The following ATP8A2 variants were observed in gnomAD, a reference collection of about 807,000 sequenced individuals.
ATP8A2 encodes the protein ATPase phospholipid transporting 8A2, also known as phospholipid-transporting ATPase IB.
In ATP8A2, 100 loss-of-function variants were observed where a neutral mutation model predicts 165.6. The observed-to-expected ratio is 0.60, with a 90% CI of 0.51 to 0.71. The LOEUF is 0.71. Ranked by LOEUF, ATP8A2 falls within the 30% of genes least tolerant of loss-of-function variation. ATP8A2 has a pLI of 0.00. For missense variants in ATP8A2, 1,227 were observed against 1,479.5 expected (o/e 0.83, Z 2.80); for synonymous variants, 543 against 548.8 (o/e 0.99, Z 0.15).
intron 9 of ATP8A2, 80 bp downstream of exon 9, chr13:25,542,126 C>G (rs2038498412): frequency 1.1e-5 from 16 of 1,393,894 alleles, no homozygotes; most frequent in Non-Finnish European, 1.6e-5. Flanking sequence ...TGTTTGTTTC[C>G]TAGTTTTGTA....
rs143025751 is a variant in ATP8A2, at chr13:25,676,052, G to T, written c.2212-23121G>T. The stretch of plus-strand genomic sequence containing the variant: ...GTAACCCATAAGCGTGTAAAATATT[G>T]TATCTTAATAAAAGAAAAAAAAATG... On this transcript the variant is annotated intron_variant, in intron 24 of 36. Transcript: ENST00000381655. Among the ~76,000 whole-genome samples, 164 of 152,028 alleles carry T rather than the reference G, an allele frequency of 1.1e-3. 2 individuals are homozygous for T. Among genetic ancestry groups the T allele is most frequent in the African/African-American group, 3.7e-3 (155 of 41,446 alleles).
chr13:25,739,367 A>C (rs2043857471), intron 25 of ATP8A2, among the ~76,000 whole-genome samples: 2 of 152,256 alleles, frequency 1.3e-5, no homozygotes, highest in Admixed American at 1.3e-4. Flanking sequence ...TCTATCATTA[A>C]ACTATGCAGA....
chr13:25,870,651 G>A (rs1952649117), intron 33 of ATP8A2, among the ~76,000 whole-genome samples: 1 of 152,236 alleles, frequency 6.6e-6, no homozygotes, highest in African/African-American at 2.4e-5. Flanking sequence ...CAGGCAGGGA[G>A]TAGAGTGGCT....
At chr13:25,538,533 A>G (rs1024192835) in intron 7 of ATP8A2, among the ~76,000 whole-genome samples, 2 of 152,080 alleles carry the variant, frequency 1.3e-5, no homozygotes, top group East Asian at 1.9e-4. Flanking sequence ...TCATCCATCC[A>G]TGTTTTGCCC....
intron 33 of ATP8A2, among the ~76,000 whole-genome samples, chr13:25,885,195 C>G (rs187530733): frequency 2.5e-4 from 37 of 150,152 alleles, no homozygotes; most frequent in Admixed American, 1.7e-3. Context: ...TCACTGCAAC[C>G]TCCGCCTCCT....
chr13:25,958,452 G>A lies in ATP8A2; in HGVS notation c.3184-3123G>A, dbSNP rs186341336. On this transcript the variant is annotated intron_variant, in intron 33 of 36. Coordinates refer to ENST00000381655, the MANE Select transcript of ATP8A2 (RefSeq NM_016529.6). ...GTGCATGGGTGTCCCTTGTTAATGC[G>A]CCTAGTCTGACCCAGGGCAGTGCTG... Among the ~76,000 whole-genome samples, 165 of 152,214 alleles carry A rather than the reference G, an allele frequency of 1.1e-3. 3 individuals are homozygous for A. Among genetic ancestry groups the A allele is most frequent in the African/African-American group, 3.8e-3 (156 of 41,536 alleles).
chr13:26,005,962 T>A (rs1315412298), intron 35 of ATP8A2, among the ~76,000 whole-genome samples: 3 of 152,030 alleles, frequency 2.0e-5, no homozygotes, highest in Non-Finnish European at 2.9e-5. Flanking sequence ...CTTTGTTCTT[T>A]TTTCAACATT....
intron 27 of ATP8A2, among the ~76,000 whole-genome samples, chr13:25,780,659 A>G (rs1255428257): frequency 1.3e-5 from 2 of 152,136 alleles, no homozygotes; most frequent in Admixed American, 1.3e-4. Flanking sequence ...CAGGGAAGAC[A>G]GTTTTTCCAC....
intron 24 of ATP8A2, among the ~76,000 whole-genome samples, chr13:25,595,060 G>A (rs1053870817): frequency 1.3e-5 from 2 of 150,876 alleles, no homozygotes; most frequent in Admixed American, 1.3e-4. Context: ...ATACTACTCA[G>A]CCATAAAAAG....
intron 33 of ATP8A2, among the ~76,000 whole-genome samples, chr13:25,926,618 G>A (rs776477486): frequency 6.6e-6 from 1 of 152,040 alleles, no homozygotes; most frequent in African/African-American, 2.4e-5. Flanking sequence ...ACAGATCATG[G>A]GGATTTGGGG....
intron 25 of ATP8A2, among the ~76,000 whole-genome samples, chr13:25,756,346 A>G (rs1188482688): frequency 2.0e-4 from 17 of 84,590 alleles, no homozygotes; most frequent in Non-Finnish European, 3.5e-4. Context: ...TTTTTTTTTG[A>G]GACAGGGTCT....
intron 1 of ATP8A2, among the ~76,000 whole-genome samples, chr13:25,433,108 C>A (rs2138157887): frequency 6.6e-6 from 1 of 152,272 alleles, no homozygotes; most frequent in East Asian, 1.9e-4. Flanking sequence ...CATTCCTAAG[C>A]CTTGGCACTC....
intron 35 of ATP8A2, among the ~76,000 whole-genome samples, chr13:25,995,001 A>G (rs1956468373): frequency 6.6e-6 from 1 of 151,984 alleles, no homozygotes; most frequent in South Asian, 2.1e-4. Flanking sequence ...TATAAATTCA[A>G]TTTCCTTAAT....
intron 2 of ATP8A2, among the ~76,000 whole-genome samples, chr13:25,503,693 G>T (rs964083095): frequency 2.0e-5 from 3 of 152,190 alleles, no homozygotes; most frequent in African/African-American, 7.2e-5. Context: ...TAACTCTGAT[G>T]CTGAAAAGGA....
At chr13:25,717,059 A>G (rs1016016947) in intron 25 of ATP8A2, among the ~76,000 whole-genome samples, 3 of 152,210 alleles carry the variant, frequency 2.0e-5, no homozygotes, top group African/African-American at 7.2e-5. Flanking sequence ...ATTGCTGCCT[A>G]TACATGCCAC....
intron 35 of ATP8A2, 91 bp from the exon 36 acceptor site, chr13:26,012,440 C>T: frequency 3.9e-6 from 4 of 1,015,074 alleles, no homozygotes; most frequent in Non-Finnish European, 5.8e-6. Flanking sequence ...GGGAGGTGAT[C>T]CCCCACCTCA....
chr13:25,684,887 T>C (rs1254982660), intron 24 of ATP8A2, among the ~76,000 whole-genome samples: 1 of 152,208 alleles, frequency 6.6e-6, no homozygotes, highest in Non-Finnish European at 1.5e-5. Context: ...CTGTAGTGTA[T>C]ATACTGAGTG....
At chr13:25,963,797 T>C (rs1955716370) in intron 34 of ATP8A2, among the ~76,000 whole-genome samples, 1 of 152,240 alleles carries the variant, frequency 6.6e-6, no homozygotes, top group Non-Finnish European at 1.5e-5. Flanking sequence ...CAGTGCGTTC[T>C]GAGTAATCAT....
In ATP8A2 at chr13:25,972,492, G is replaced by A. The variant is rs1026676043; in HGVS notation, c.3377+3813G>A. 6.6e-5 allele frequency among the ~76,000 whole-genome samples: 10 copies of A among 152,312 alleles called. No individual in the cohort carries two copies. In the South Asian group the frequency reaches 1.9e-3, roughly 28 times the overall value. On this transcript the variant is annotated intron_variant, in intron 35 of 36. Transcript: ENST00000381655. ...TTGATTTTAGTTTGTTCTTCTTGAA[G>A]GAGTGTTTTTCACGATGTGGTGTTT...
Sources: gnomAD v4.1 joint callset for allele counts (sites outside exome capture counted in the v4.1 genomes callset) on GRCh38, gnomAD v4.1.1 for gene constraint, MANE v1.5 for transcripts, NCBI Gene and HGNC (gene_info 2026-07-23, HGNC 2026-07-21) for gene names.